GLIS3: variants seen among roughly 807,000 people sequenced by gnomAD.
The protein encoded by GLIS3 is zinc finger protein GLIS3.
Under a neutral mutation model 78.6 loss-of-function variants are expected in GLIS3, and 53 were observed. The observed-to-expected ratio is 0.67, with a 90% confidence interval of 0.54 to 0.85. GLIS3 has a LOEUF of 0.85. Among genes scored for constraint, GLIS3 ranks in the 40% least tolerant of loss-of-function variants. The pLI, the probability that GLIS3 is intolerant of heterozygous loss-of-function variation, is 0.00. For synonymous variants in GLIS3, 684 were observed against 509.9 expected (o/e 1.34, Z -4.60); for missense variants, 1,703 against 1,231.1 (o/e 1.38, Z -5.74).
intron 4 of GLIS3, among the ~76,000 whole-genome samples, chr9:4,076,391 C>T (rs572514460): frequency 7.7e-4 from 117 of 152,306 alleles, no homozygotes; most frequent in Non-Finnish European, 1.3e-3. Context: ...CATTCATCAA[C>T]GCATACCTGT....
the GLIS3 span, among the ~76,000 whole-genome samples, chr9:4,450,933 T>C: frequency 2.0e-5 from 3 of 152,168 alleles, no homozygotes; most frequent in African/African-American, 7.2e-5. Context: ...AGAAAGAAAC[T>C]GCATCAACTA....
intron 6 of GLIS3, among the ~76,000 whole-genome samples, chr9:3,914,144 C>G (rs1385411030): frequency 7.9e-6 from 1 of 126,296 alleles, no homozygotes; most frequent in South Asian, 3.6e-4. Context: ...TAGTTTCTTT[C>G]TTTCTTTCTC....
chr9:3,863,719 G>T (rs1008962701), intron 8 of GLIS3, among the ~76,000 whole-genome samples: 4 of 152,240 alleles, frequency 2.6e-5, no homozygotes, highest in African/African-American at 9.6e-5. Flanking sequence ...GAGTGAGTGT[G>T]AGAAACAGAA....
chr9:4,168,757 A>G (rs1389743851), intron 2 of GLIS3, among the ~76,000 whole-genome samples: 1 of 152,166 alleles, frequency 6.6e-6, no homozygotes, highest in African/African-American at 2.4e-5. Flanking sequence ...TCTGCTATGG[A>G]ATTTTCTCTT....
At chr9:3,905,255 G>A (rs1338024263) in intron 6 of GLIS3, among the ~76,000 whole-genome samples, 2 of 150,234 alleles carry the variant, frequency 1.3e-5, no homozygotes, top group Non-Finnish European at 2.9e-5. Flanking sequence ...CTCCCAAAGT[G>A]CTGGGATTAC....
chr9:4,364,664 G>C, the GLIS3 span, among the ~76,000 whole-genome samples: 1 of 147,576 alleles, frequency 6.8e-6, no homozygotes, highest in Non-Finnish European at 1.5e-5. Flanking sequence ...CTAAAGATGA[G>C]ATAATGCTTA....
intron 2 of GLIS3, among the ~76,000 whole-genome samples, chr9:4,203,046 G>A (rs183559300): frequency 2.0e-5 from 3 of 152,236 alleles, no homozygotes; most frequent in Non-Finnish European, 2.9e-5. Flanking sequence ...GCAGAATAGG[G>A]GAAAATATTA....
intron 2 of GLIS3, among the ~76,000 whole-genome samples, chr9:4,270,665 A>G (rs1008963570): frequency 7.2e-5 from 11 of 152,300 alleles, no homozygotes; most frequent in South Asian, 2.1e-4. Context: ...GTCTGACAAT[A>G]AACATAAGTC....
intron 2 of GLIS3, among the ~76,000 whole-genome samples, chr9:4,221,018 G>C (rs981672897): frequency 5.3e-5 from 8 of 152,048 alleles, no homozygotes; most frequent in African/African-American, 1.5e-4. Flanking sequence ...TGTTTCTCTG[G>C]GTTGGATCTT....
intron 4 of GLIS3, among the ~76,000 whole-genome samples, chr9:4,007,275 C>A (rs1301690782): frequency 2.0e-5 from 3 of 152,062 alleles, no homozygotes; most frequent in African/African-American, 7.2e-5. Context: ...GCCCTGGCTG[C>A]CTTCCTTCTG....
At chr9:3,964,091 G>A (rs1817756089) in intron 4 of GLIS3, among the ~76,000 whole-genome samples, 1 of 152,080 alleles carries the variant, frequency 6.6e-6, no homozygotes, top group Non-Finnish European at 1.5e-5. Flanking sequence ...CCGAGAGAGT[G>A]CTGGGCTGCA....
chr9:3,934,773 G>A (rs1825801985), intron 5 of GLIS3, among the ~76,000 whole-genome samples: 1 of 152,160 alleles, frequency 6.6e-6, no homozygotes. Flanking sequence ...CCTCTCAGCT[G>A]ACCTTCACTT....
intron 5 of GLIS3, chr9:3,932,863 C>A: frequency 2.6e-6 from 1 of 382,678 alleles, no homozygotes; most frequent in South Asian, 2.0e-5. Flanking sequence ...TTTAAGGGTT[C>A]AGGTAAAGAA....
upstream of GLIS3, among the ~76,000 whole-genome samples, chr9:4,304,478 C>T (rs1259801342): frequency 1.3e-5 from 2 of 152,166 alleles, no homozygotes; most frequent in Non-Finnish European, 2.9e-5. Context: ...TCCAGTGACC[C>T]TCTCCTGTCT....
the GLIS3 span, among the ~76,000 whole-genome samples, chr9:4,376,993 C>T: frequency 7.4e-6 from 1 of 135,658 alleles, no homozygotes; most frequent in Admixed American, 7.4e-5. Context: ...CCCAGCCCCA[C>T]CACTTACTAG....
intron 4 of GLIS3, among the ~76,000 whole-genome samples, chr9:3,948,078 T>C (rs1259265070): frequency 6.6e-6 from 1 of 152,218 alleles, no homozygotes; most frequent in Non-Finnish European, 1.5e-5. Flanking sequence ...TCCATCGTCC[T>C]AGGATTGACA....
the GLIS3 span, among the ~76,000 whole-genome samples, chr9:4,466,714 T>G: frequency 3.9e-5 from 6 of 152,234 alleles, no homozygotes; most frequent in Admixed American, 1.3e-4. Flanking sequence ...GCTCCCAGCG[T>G]GAGCGACGCA....
At chr9:3,839,944 T>C (rs1012711034) in intron 9 of GLIS3, among the ~76,000 whole-genome samples, 1 of 152,222 alleles carries the variant, frequency 6.6e-6, no homozygotes, top group African/African-American at 2.4e-5. Flanking sequence ...AAATTTCTCA[T>C]GGCCAATTTT....
chr9:4,160,361 T>A (rs1835377749), intron 2 of GLIS3, among the ~76,000 whole-genome samples: 1 of 152,184 alleles, frequency 6.6e-6, no homozygotes, highest in Non-Finnish European at 1.5e-5. Flanking sequence ...GTGTGGGAAA[T>A]AGGAACTCGC....
Sources: allele counts gnomAD v4.1 joint callset (sites outside exome capture counted in the v4.1 genomes callset), GRCh38; gene constraint gnomAD v4.1.1; transcripts MANE v1.5; gene names NCBI Gene and HGNC (gene_info 2026-07-23, HGNC 2026-07-21).